ZC4H2: variants seen among roughly 807,000 people sequenced by gnomAD.
ZC4H2 encodes the protein zinc finger C4H2 domain-containing protein.
For synonymous variants in ZC4H2, 84 were observed against 66.3 expected (o/e 1.27, Z -1.30); for missense variants, 137 against 173.9 (o/e 0.79, Z 1.19).
At chrX:64,976,489 G>A (rs1931954895), upstream of ZC4H2, 11 of 857,819 alleles carry the variant, frequency 1.3e-5, no homozygotes, top group African/African-American at 6.0e-5. Context: ...AGCCTGTGCG[G>A]TAGGGGCTTG....
intron 1 of ZC4H2, among the ~76,000 whole-genome samples, chrX:65,022,252 T>C (rs767287965): frequency 5.8e-4 from 65 of 111,831 alleles, no homozygotes; most frequent in Non-Finnish European, 1.1e-3. Flanking sequence ...ATATCCCTGA[T>C]GAACATCAAT....
chrX:64,918,800 C>T, intron 4 of ZC4H2: 1 of 290,320 alleles, frequency 3.4e-6, no homozygotes, highest in East Asian at 5.2e-5. Flanking sequence ...TTTAGAATTG[C>T]ACTCTAGCAG....
chrX:64,960,340 C>T (rs935036235), intron 1 of ZC4H2, among the ~76,000 whole-genome samples: 1 of 110,021 alleles, frequency 9.1e-6, no homozygotes, highest in Non-Finnish European at 1.9e-5. Context: ...AAAGGGGACT[C>T]TCTCAATTTT....
chrX:64,954,368 ATATAATTATATATATT>A (rs1441282260), intron 1 of ZC4H2, among the ~76,000 whole-genome samples: 9 of 75,626 alleles, frequency 1.2e-4, no homozygotes, highest in Admixed American at 2.9e-4. Flanking sequence ...ATATATATAT[ATATAATTATATATATT>A]TATAATTATA....
At chrX:64,935,555 G>T (rs1929965023) in intron 1 of ZC4H2, among the ~76,000 whole-genome samples, 1 of 112,066 alleles carries the variant, frequency 8.9e-6, no homozygotes, top group Non-Finnish European at 1.9e-5. Flanking sequence ...GGGGCCAACA[G>T]ACTCCTCATA....
chrX:65,019,055 C>A (rs1326636617), intron 1 of ZC4H2, among the ~76,000 whole-genome samples: 1 of 111,767 alleles, frequency 8.9e-6, no homozygotes, highest in Admixed American at 9.4e-5. Flanking sequence ...ATAGATAAAA[C>A]CCCCATCTCA....
At chrX:64,942,355 T>G (rs1259260652) in intron 1 of ZC4H2, among the ~76,000 whole-genome samples, 1 of 111,058 alleles carries the variant, frequency 9.0e-6, no homozygotes, top group African/African-American at 3.3e-5. Context: ...ATTCATTGAT[T>G]TTTTTATTAT....
chrX:64,982,669 G>C (rs1932104936), intron 1 of ZC4H2, among the ~76,000 whole-genome samples: 1 of 112,111 alleles, frequency 8.9e-6, no homozygotes, highest in Non-Finnish European at 1.9e-5. Flanking sequence ...TTGATGTGAA[G>C]GTTGTAGCCA....
rs1569199882 is a variant in ZC4H2 at position 64,919,120 on chromosome X, GGCAGCGGCT to G, written c.474_482del (p.Ala160_Ala162del). 8.3e-7 allele frequency: 1 copy of G among 1,204,291 alleles called. No homozygotes were observed. The stretch of plus-strand genomic sequence containing the variant: ...TCCTAGCCACTTGGAGCTGTTGGGC[GGCAGCGGCT>G]GCAGCGGCCAGGGACTCAGGGATGG... On this transcript the variant is annotated inframe_deletion, in exon 4 of 5. Transcript: ENST00000374839.
At chrX:64,948,219 A>G (rs1038989526) in intron 1 of ZC4H2, among the ~76,000 whole-genome samples, 1 of 111,683 alleles carries the variant, frequency 9.0e-6, no homozygotes, top group African/African-American at 3.3e-5. Flanking sequence ...AACTTGGTTT[A>G]TAAGTCACTA....
intron 1 of ZC4H2, among the ~76,000 whole-genome samples, chrX:64,960,818 A>G (rs1342576987): frequency 4.5e-5 from 5 of 111,935 alleles, no homozygotes; most frequent in South Asian, 7.3e-4. Flanking sequence ...CAGAAAAGAT[A>G]CTTGGTAGGA....
intron 1 of ZC4H2, among the ~76,000 whole-genome samples, chrX:64,927,957 C>T (rs1929505826): frequency 8.9e-6 from 1 of 112,122 alleles, no homozygotes; most frequent in South Asian, 3.7e-4. Context: ...TATCCTTCAC[C>T]CACTTTTTGA....
At chrX:65,026,602 G>A (rs555964841) in intron 1 of ZC4H2, among the ~76,000 whole-genome samples, 2 of 110,639 alleles carry the variant, frequency 1.8e-5, no homozygotes, top group East Asian at 2.9e-4. Flanking sequence ...CCAGCTACTC[G>A]GGAGGCTGAG....
At chrX:64,948,984 A>T (rs1930668382) in intron 1 of ZC4H2, among the ~76,000 whole-genome samples, 1 of 111,921 alleles carries the variant, frequency 8.9e-6, no homozygotes, top group South Asian at 3.7e-4. Context: ...TATTTTTTCC[A>T]TAACTTGAAC....
At chrX:64,998,068 G>A (rs1009212861) in intron 1 of ZC4H2, among the ~76,000 whole-genome samples, 4 of 111,829 alleles carry the variant, frequency 3.6e-5, no homozygotes, top group Non-Finnish European at 7.5e-5. Flanking sequence ...TAGAAACTGT[G>A]CATGCAAAAA....
chrX:64,982,915 G>C (rs1010032801), intron 1 of ZC4H2, among the ~76,000 whole-genome samples: 5 of 112,462 alleles, frequency 4.4e-5, no homozygotes, highest in Admixed American at 3.8e-4. Flanking sequence ...TGGTTGCATT[G>C]TAAACAATAG....
chrX:65,031,482 T>G (rs944337749), intron 1 of ZC4H2, among the ~76,000 whole-genome samples: 19 of 111,122 alleles, frequency 1.7e-4, no homozygotes, highest in Non-Finnish European at 3.2e-4. Context: ...GTTCTGTTTT[T>G]GAAGAACTCA....
rs762794549 is a variant in ZC4H2 at position 65,019,103 on chromosome X, G to A, written c.-272+15526C>T. Among the ~76,000 whole-genome samples the A allele has an allele frequency of 7.2e-5, 8 of 111,680 alleles. No individual in the cohort carries two copies. In the East Asian group the frequency reaches 8.5e-4, roughly 12 times the overall value. The stretch of plus-strand genomic sequence containing the variant: ...ACCCAGGTGAGGGACAGCTGTGGGC[G>A]CAGCTGCAGCAGACTTAAATGCCCC... On this transcript the variant is annotated intron_variant, in intron 1 of 4. Transcript: ENST00000337990.
intron 1 of ZC4H2, among the ~76,000 whole-genome samples, chrX:64,937,466 C>T (rs2147369785): frequency 9.0e-6 from 1 of 111,728 alleles, no homozygotes; most frequent in South Asian, 3.7e-4. Flanking sequence ...CTCTCCACTC[C>T]AAACCAAAAG....
Sources: gnomAD v4.1 joint callset for allele counts (sites outside exome capture counted in the v4.1 genomes callset) on GRCh38, gnomAD v4.1.1 for gene constraint, MANE v1.5 for transcripts, NCBI Gene and HGNC (gene_info 2026-07-23, HGNC 2026-07-21) for gene names.